PTK7: variants seen among roughly 807,000 people sequenced by gnomAD.
The protein encoded by PTK7 is protein tyrosine kinase 7 (inactive).
Under a neutral mutation model 116.6 loss-of-function variants are expected in PTK7, and 39 were observed. The observed-to-expected ratio is 0.33, with a 90% CI of 0.26 to 0.44. The LOEUF is 0.44. Among genes scored for constraint, PTK7 ranks in the 20% least tolerant of loss-of-function variants. The pLI is 1.00. For synonymous variants in PTK7, 546 were observed against 563.6 expected (o/e 0.97, Z 0.44); for missense variants, 1,169 against 1,425.6 (o/e 0.82, Z 2.90).
intron 1 of PTK7, among the ~76,000 whole-genome samples, chr6:43,092,976 T>A (rs1326781817): frequency 6.6e-6 from 1 of 152,282 alleles, no homozygotes; most frequent in Non-Finnish European, 1.5e-5. Flanking sequence ...CCTTTTAGTC[T>A]GGCATGTAAA....
At chr6:43,118,649 CTCTCTCTCTCTATATATATATA>C (rs1325002757) in intron 1 of PTK7, among the ~76,000 whole-genome samples, 22 of 86,532 alleles carry the variant, frequency 2.5e-4, no homozygotes, top group South Asian at 1.5e-3. Context: ...CTCTCTCTCT[CTCTCTCTCTCTATATATATATA>C]TATATATATA....
chr6:43,132,832 C>T (rs547736794), intron 7 of PTK7, 145 bp downstream of exon 7: 18 of 1,165,516 alleles, frequency 1.5e-5, no homozygotes, highest in East Asian at 5.1e-5. Flanking sequence ...TACTGGGAGT[C>T]GGTGTAGACA....
intron 1 of PTK7, among the ~76,000 whole-genome samples, chr6:43,127,403 G>A (rs764608101): frequency 5.3e-4 from 81 of 152,330 alleles, no homozygotes; most frequent in Middle Eastern, 3.4e-3. Flanking sequence ...CCACCTGCCC[G>A]GCTCTGCCCT....
intron 1 of PTK7, among the ~76,000 whole-genome samples, chr6:43,108,561 G>GGT (rs890219768): frequency 6.6e-6 from 1 of 151,758 alleles, no homozygotes; most frequent in African/African-American, 2.4e-5. Context: ...CACCATGCCT[G>GGT]GCTAATTTCT....
rs892737749 is a variant in PTK7 at position 43,139,565 on chromosome 6, G to C, written c.1618+40G>C. On this transcript the variant is annotated intron_variant, in intron 10 of 19. Transcript: ENST00000230419. This position sits in a 1 kb window ranked among gnomAD's most constrained non-coding sequence, Gnocchi z 4.6. ...GGCATAGGGTAGGGGCAGGCAGGCA[G>C]TTCACTGATCAGATACATACCTGAG... 5 of 1,611,442 alleles carry C rather than the reference G, an allele frequency of 3.1e-6. No individual in the cohort carries two copies. In the East Asian group the frequency reaches 1.1e-4, roughly 36 times the overall value.
chr6:43,138,764 A>G, intron 7 of PTK7, 85 bp from the exon 8 acceptor site: 2 of 1,503,844 alleles, frequency 1.3e-6, no homozygotes, highest in Non-Finnish European at 1.8e-6. Flanking sequence ...AGGGCCTAGA[A>G]TGGTAGTAGG....
chr6:43,157,752 GT>G (rs1477374555), intron 17 of PTK7, among the ~76,000 whole-genome samples: 1 of 151,774 alleles, frequency 6.6e-6, no homozygotes, highest in Non-Finnish European at 1.5e-5. Flanking sequence ...TTGAGATGGA[GT>G]TTTGCTCTTA....
In PTK7 at chr6:43,129,642, C is replaced by T. The variant is rs967411821; in HGVS notation, c.368-85C>T. ...GTTGGCACAGAGCCTCGAGGTTCCA[C>T]GGCTTCCTGCTTGTCCTCCTTGCCC... On this transcript the variant is annotated intron_variant, in intron 2 of 19. Coordinates refer to ENST00000230419, the MANE Select transcript of PTK7 (RefSeq NM_002821.5). This position sits in a 1 kb window ranked among gnomAD's most constrained non-coding sequence, Gnocchi z 4.5. 51 of 1,222,100 alleles carry T rather than the reference C, an allele frequency of 4.2e-5. 1 individual carries two copies. In the Middle Eastern group the frequency reaches 6.2e-4, roughly 15 times the overall value. 75.7% of individuals were successfully genotyped at this position (1,222,100 alleles called of 1,614,324 possible).
chr6:43,151,414 G>A (rs184729842), intron 17 of PTK7, among the ~76,000 whole-genome samples: 2 of 150,340 alleles, frequency 1.3e-5, no homozygotes, highest in South Asian at 2.1e-4. Flanking sequence ...GGGTTTCACC[G>A]TGTTAGCCAA....
chr6:43,145,070 GCAGAACCGGGTCTCGTGCC>G lies in PTK7; in HGVS notation c.2408-126_2408-108del. 1 of 715,754 alleles carries G rather than the reference GCAGAACCGGGTCTCGTGCC, an allele frequency of 1.4e-6. No homozygotes were observed. Among genetic ancestry groups the G allele is most frequent in the Non-Finnish European group, 2.3e-6 (1 of 439,670 alleles). The allele number at this position is 715,754 out of a possible 1,614,324, so 44.3% of individuals were successfully genotyped here. A position where few individuals can be genotyped will look rare whatever the true frequency, so the allele number is the denominator to read the frequency against. On this transcript the variant is annotated intron_variant, in intron 15 of 19. Coordinates refer to ENST00000230419, the MANE Select transcript of PTK7 (RefSeq NM_002821.5). The surrounding 1 kb of genome is among the most constrained non-coding windows in gnomAD (Gnocchi z 4.8). Reference sequence around the variant, plus strand: ...AAGCCTAAGGAGGGAGGGGGTCACAGCAGAACCGGGTCTCGTGCCCAGCCCAGGTGGGTGGGTCCCCACT... The same window carrying G: ...AAGCCTAAGGAGGGAGGGGGTCACAGCAGCCCAGGTGGGTGGGTCCCCACT...
intron 7 of PTK7, among the ~76,000 whole-genome samples, chr6:43,134,716 G>T (rs1769921621): frequency 1.3e-5 from 2 of 151,740 alleles, no homozygotes; most frequent in South Asian, 4.2e-4. Flanking sequence ...GGAGGCAGAG[G>T]TTGCAGTGAG....
chr6:43,098,688 T>C (rs770057069), intron 1 of PTK7, among the ~76,000 whole-genome samples: 3 of 152,168 alleles, frequency 2.0e-5, no homozygotes, highest in Non-Finnish European at 2.9e-5. Context: ...GTAAACGGTA[T>C]GCTACTAGAA....
intron 17 of PTK7, among the ~76,000 whole-genome samples, chr6:43,155,799 A>G (rs1191144050): frequency 6.6e-6 from 1 of 152,228 alleles, no homozygotes; most frequent in Non-Finnish European, 1.5e-5. Context: ...ATTATTTTGT[A>G]TAGCTAGAGA....
Position 43,145,055 on chromosome 6 carries a change from A to T in PTK7, c.2408-145A>T, listed in dbSNP as rs1770647228. 5 of 600,360 alleles carry T rather than the reference A, an allele frequency of 8.3e-6. No individual in the cohort carries two copies. Among genetic ancestry groups the T allele is most frequent in the Non-Finnish European group, 1.4e-5 (5 of 351,548 alleles). 37.2% of individuals were successfully genotyped at this position (600,360 alleles called of 1,614,324 possible). ...TTGCTGCAGACACTGAAGCCTAAGG[A>T]GGGAGGGGGTCACAGCAGAACCGGG... On this transcript the variant is annotated intron_variant, in intron 15 of 19. Coordinates refer to ENST00000230419, the MANE Select transcript of PTK7 (RefSeq NM_002821.5). The surrounding 1 kb of genome is among the most constrained non-coding windows in gnomAD (Gnocchi z 4.8).
chr6:43,152,454 G>C (rs1045650736), intron 17 of PTK7, among the ~76,000 whole-genome samples: 9 of 152,212 alleles, frequency 5.9e-5, no homozygotes, highest in African/African-American at 2.2e-4. Flanking sequence ...GCTTGAACTT[G>C]GGAGGCGGAG....
chr6:43,089,229 G>A (rs1241806988), intron 1 of PTK7, among the ~76,000 whole-genome samples: 2 of 152,164 alleles, frequency 1.3e-5, no homozygotes, highest in East Asian at 3.8e-4. Flanking sequence ...ACCACTCTTG[G>A]TGATTCCACT....
At chr6:43,144,796 C>A in intron 15 of PTK7, 190 bp downstream of exon 15, 1 of 591,548 alleles carries the variant, frequency 1.7e-6, no homozygotes, top group Non-Finnish European at 2.8e-6. Context: ...CAGATTTTGT[C>A]ATTCCTGTGT....
At chr6:43,126,579 G>T (rs1386803356) in intron 1 of PTK7, among the ~76,000 whole-genome samples, 1 of 152,232 alleles carries the variant, frequency 6.6e-6, no homozygotes, top group Non-Finnish European at 1.5e-5. Flanking sequence ...CTCATTGTAG[G>T]ATCAGATGCT....
chr6:43,157,882 A>G (rs1771609540), intron 17 of PTK7, among the ~76,000 whole-genome samples: 1 of 152,068 alleles, frequency 6.6e-6, no homozygotes, highest in Non-Finnish European at 1.5e-5. Context: ...ATGTGCCACC[A>G]CACCCAGCTA....
Sources: allele counts gnomAD v4.1 joint callset (sites outside exome capture counted in the v4.1 genomes callset), GRCh38; gene constraint gnomAD v4.1.1; non-coding constraint Gnocchi (gnomAD v3.1); transcripts MANE v1.5; gene names NCBI Gene and HGNC (gene_info 2026-07-23, HGNC 2026-07-21).